Variants in CADM1 observed in about 807,000 individuals in gnomAD.
CADM1 encodes TSLC-1.
CADM1 carries 15 observed loss-of-function variants against 53.1 expected under a neutral mutation model. The observed-to-expected ratio is 0.28, with a 90% confidence interval of 0.19 to 0.44. The LOEUF (loss-of-function observed/expected upper bound fraction) is 0.44, where lower values mean the gene tolerates loss of function less well. Ranked by LOEUF, CADM1 falls within the 20% of genes least tolerant of loss-of-function variation. The probability of loss-of-function intolerance (pLI) is 1.00; values close to 1 mark genes in which losing one functional copy is unlikely to be tolerated. For missense variants in CADM1, 434 were observed against 611.3 expected (o/e 0.71, Z 3.06); for synonymous variants, 281 against 243.0 (o/e 1.16, Z -1.45).
intron 1 of CADM1, among the ~76,000 whole-genome samples, chr11:115,248,130 T>C (rs1029712697): frequency 2.6e-5 from 4 of 152,208 alleles, no homozygotes; most frequent in Non-Finnish European, 5.9e-5. Context: ...TTTGTGTGTA[T>C]TGGTTTTTGA....
Position 115,308,211 on chromosome 11 carries a change from T to TATATATATATATATATATATACACATAC in CADM1, c.125-67792_125-67791insGTATGTGTATATATATATATATATATAT, listed in dbSNP as rs139012671. Among the ~76,000 whole-genome samples, 12 of 139,384 alleles carry TATATATATATATATATATATACACATAC rather than the reference T, an allele frequency of 8.6e-5. 1 individual carries two copies. The highest frequency in any genetic ancestry group is 2.7e-4 in the African/African-American group (10 of 36,806). The allele number at this position is 139,384 out of a possible 152,430, so 91.4% of individuals were successfully genotyped here. On this transcript the variant is annotated intron_variant, in intron 1 of 11. Transcript: ENST00000331581. ...ATAGGTGTGTATATATATATATATA[T>TATATATATATATATATATATACACATAC]ACACACCTATGAGAAGGTTTTTGTC...
chr11:115,418,130 G>A (rs1048060862), intron 1 of CADM1, among the ~76,000 whole-genome samples: 3 of 152,164 alleles, frequency 2.0e-5, no homozygotes, highest in Non-Finnish European at 2.9e-5. Context: ...TCAACAAAGT[G>A]TGATCTTACA....
intron 1 of CADM1, among the ~76,000 whole-genome samples, chr11:115,486,424 C>T (rs1949374110): frequency 6.6e-6 from 1 of 152,058 alleles, no homozygotes; most frequent in Admixed American, 6.5e-5. Context: ...AATCACAGCT[C>T]ATTATAGCCC....
intron 1 of CADM1, among the ~76,000 whole-genome samples, chr11:115,387,353 A>G (rs539936053): frequency 4.7e-4 from 71 of 152,180 alleles, no homozygotes; most frequent in African/African-American, 1.5e-3. Flanking sequence ...AAAATTAATA[A>G]ACAAAGATGG....
intron 1 of CADM1, among the ~76,000 whole-genome samples, chr11:115,268,211 A>G (rs563232559): frequency 2.0e-5 from 3 of 152,202 alleles, no homozygotes; most frequent in South Asian, 4.1e-4. Context: ...TTAGCTATAG[A>G]TAACTACTAA....
intron 1 of CADM1, among the ~76,000 whole-genome samples, chr11:115,358,703 C>A (rs1461680139): frequency 6.6e-6 from 1 of 152,102 alleles, no homozygotes; most frequent in Non-Finnish European, 1.5e-5. Flanking sequence ...TCAGTAATTT[C>A]AAAACATATT....
At chr11:115,232,010 T>TAACAACAACAACAACAACAAC (rs553618979) in intron 3 of CADM1, among the ~76,000 whole-genome samples, 1 of 141,746 alleles carries the variant, frequency 7.1e-6, no homozygotes, top group Non-Finnish European at 1.5e-5. Context: ...ATAATAATAA[T>TAACAACAACAACAACAACAAC]AATAACAACA....
At chr11:115,222,305 G>T (rs1001584281) in intron 5 of CADM1, among the ~76,000 whole-genome samples, 1 of 152,202 alleles carries the variant, frequency 6.6e-6, no homozygotes, top group South Asian at 2.1e-4. Flanking sequence ...CTGAGATTTG[G>T]TGAGTGTTAG....
intron 5 of CADM1, among the ~76,000 whole-genome samples, chr11:115,225,313 A>AG (rs34306219): frequency 0.34 from 49,764 of 148,194 alleles, 10,023 homozygotes; most frequent in Non-Finnish European, 0.46. Flanking sequence ...ATAATAAAAA[A>AG]GGGGGGGGGA....
intron 1 of CADM1, among the ~76,000 whole-genome samples, chr11:115,325,691 C>T (rs1210748705): frequency 6.6e-6 from 1 of 152,108 alleles, no homozygotes. Flanking sequence ...ACTATAACTG[C>T]CCTGAATTTA....
chr11:115,453,621 C>T (rs1469397926), intron 1 of CADM1, among the ~76,000 whole-genome samples: 1 of 152,108 alleles, frequency 6.6e-6, no homozygotes, highest in East Asian at 1.9e-4. Context: ...GCCTCGGCCT[C>T]CAGAGTAGCT....
At chr11:115,390,187 A>AT (rs1354145435) in intron 1 of CADM1, among the ~76,000 whole-genome samples, 7 of 152,232 alleles carry the variant, frequency 4.6e-5, no homozygotes, top group Admixed American at 2.0e-4. Context: ...AAGATGGAGC[A>AT]TGTGACAGTG....
chr11:115,503,272 A>T (rs1250960224), intron 1 of CADM1, among the ~76,000 whole-genome samples: 2 of 152,236 alleles, frequency 1.3e-5, no homozygotes, highest in Non-Finnish European at 2.9e-5. Flanking sequence ...GCACACGGGC[A>T]GCCACACATC....
chr11:115,325,685 T>A (rs1481986277), intron 1 of CADM1, among the ~76,000 whole-genome samples: 1 of 152,162 alleles, frequency 6.6e-6, no homozygotes, highest in Non-Finnish European at 1.5e-5. Flanking sequence ...TGCCTGACTA[T>A]AACTGCCCTG....
intron 7 of CADM1, among the ~76,000 whole-genome samples, chr11:115,211,475 CTTTTTT>C (rs1224649182): frequency 1.1e-5 from 1 of 92,260 alleles, no homozygotes; most frequent in African/African-American, 4.3e-5. Flanking sequence ...AATCCTATTT[CTTTTTT>C]TTTTTTTTTT....
At chr11:115,260,865 G>T (rs182939958) in intron 1 of CADM1, among the ~76,000 whole-genome samples, 1 of 151,778 alleles carries the variant, frequency 6.6e-6, no homozygotes, top group Non-Finnish European at 1.5e-5. Flanking sequence ...TAGTGGAGAC[G>T]GGGTTTCACC....
intron 1 of CADM1, among the ~76,000 whole-genome samples, chr11:115,312,195 C>T (rs954368540): frequency 6.6e-6 from 1 of 152,048 alleles, no homozygotes; most frequent in South Asian, 2.1e-4. Context: ...TGGTTAACTA[C>T]CAGAAAAAGA....
At chr11:115,438,790 T>C (rs1948241503) in intron 1 of CADM1, among the ~76,000 whole-genome samples, 1 of 152,212 alleles carries the variant, frequency 6.6e-6, no homozygotes. Flanking sequence ...CTGGTAAGTA[T>C]CCACCTCATT....
At chr11:115,466,755 A>G (rs529970048) in intron 1 of CADM1, among the ~76,000 whole-genome samples, 18 of 152,330 alleles carry the variant, frequency 1.2e-4, no homozygotes, top group African/African-American at 4.3e-4. Flanking sequence ...GAGTTCTAAC[A>G]TTTGTCATGC....
Sources: gnomAD v4.1 joint callset for allele counts (sites outside exome capture counted in the v4.1 genomes callset) on GRCh38, gnomAD v4.1.1 for gene constraint, MANE v1.5 for transcripts, NCBI Gene and HGNC (gene_info 2026-07-23, HGNC 2026-07-21) for gene names.